The following PTPRM variants were observed in gnomAD, a reference collection of about 807,000 sequenced individuals.
The protein encoded by PTPRM is receptor-type tyrosine-protein phosphatase mu.
In PTPRM, 47 loss-of-function variants were observed where a neutral mutation model predicts 186.7. The observed-to-expected ratio is 0.25, with a 90% CI of 0.20 to 0.32. PTPRM has a LOEUF of 0.32. PTPRM is among the 10% of genes least tolerant of loss of function. The probability of loss-of-function intolerance (pLI) is 1.00; values close to 1 mark genes in which losing one functional copy is unlikely to be tolerated. For synonymous variants in PTPRM, 668 were observed against 674.9 expected (o/e 0.99, Z 0.16); for missense variants, 1,494 against 1,865.0 (o/e 0.80, Z 3.66).
At chr18:7,981,203 TC>T (rs1471543270) in intron 7 of PTPRM, among the ~76,000 whole-genome samples, 1 of 152,026 alleles carries the variant, frequency 6.6e-6, no homozygotes, top group Non-Finnish European at 1.5e-5. Flanking sequence ...TACTTAAATA[TC>T]CCCTCCTCAG....
chr18:7,834,661 A>G (rs2045944977), intron 2 of PTPRM, among the ~76,000 whole-genome samples: 5 of 151,306 alleles, frequency 3.3e-5, no homozygotes, highest in Non-Finnish European at 7.4e-5. Flanking sequence ...TCTGTTTTTC[A>G]GAGTAGTTTG....
intron 11 of PTPRM, among the ~76,000 whole-genome samples, chr18:8,104,941 G>C (rs750168744): frequency 1.2e-4 from 18 of 152,268 alleles, no homozygotes; most frequent in Middle Eastern, 3.4e-3. Flanking sequence ...GTACTTATAA[G>C]TGGCTTTTTA....
chr18:8,286,418 G>A (rs905740132), intron 19 of PTPRM, among the ~76,000 whole-genome samples: 4 of 152,222 alleles, frequency 2.6e-5, no homozygotes, highest in African/African-American at 4.8e-5. Context: ...TCAGCACCAC[G>A]TGGAAACTTC....
At chr18:8,045,757 AG>A (rs937005539) in intron 7 of PTPRM, among the ~76,000 whole-genome samples, 6 of 152,216 alleles carry the variant, frequency 3.9e-5, no homozygotes, top group Non-Finnish European at 7.3e-5. Flanking sequence ...ATGGTCACAC[AG>A]GTCTGTGAAT....
intron 1 of PTPRM, among the ~76,000 whole-genome samples, chr18:7,746,116 A>G (rs2040979790): frequency 6.6e-6 from 1 of 152,236 alleles, no homozygotes. Context: ...AATTGATAAA[A>G]GACATTAAGC....
At chr18:7,601,155 A>T (rs2037393265) in intron 1 of PTPRM, among the ~76,000 whole-genome samples, 1 of 152,234 alleles carries the variant, frequency 6.6e-6, no homozygotes, top group Non-Finnish European at 1.5e-5. Flanking sequence ...TTTAGGAGAC[A>T]GAAAACTGGC....
chr18:7,780,462 T>G (rs770873911), intron 2 of PTPRM, among the ~76,000 whole-genome samples: 1 of 152,194 alleles, frequency 6.6e-6, no homozygotes, highest in Non-Finnish European at 1.5e-5. Flanking sequence ...TTGAAATGAA[T>G]GTGAAGGCTG....
intron 2 of PTPRM, among the ~76,000 whole-genome samples, chr18:7,824,132 C>A (rs898683667): frequency 6.6e-6 from 1 of 152,174 alleles, no homozygotes; most frequent in Non-Finnish European, 1.5e-5. Context: ...GGTCTTCATC[C>A]GGGCCTCATT....
intron 2 of PTPRM, chr18:7,815,641 C>A (rs923607992): frequency 6.6e-6 from 1 of 151,988 alleles, no homozygotes; most frequent in Non-Finnish European, 1.5e-5. Context: ...AATGAGCATG[C>A]CTGTGAATAG....
chr18:8,103,338 A>G (rs1330086752), intron 11 of PTPRM, among the ~76,000 whole-genome samples: 3 of 152,226 alleles, frequency 2.0e-5, no homozygotes, highest in Non-Finnish European at 2.9e-5. Context: ...ATCTACATTG[A>G]AAATCTGTGG....
intron 2 of PTPRM, among the ~76,000 whole-genome samples, chr18:7,793,745 G>A (rs1225304036): frequency 1.3e-5 from 2 of 152,118 alleles, no homozygotes; most frequent in African/African-American, 4.8e-5. Context: ...CCTAGGTGAG[G>A]ACAGGCACTC....
At position 7,746,160 on chromosome 18, in the gene PTPRM, C is replaced by T. The variant is rs1016254371; in HGVS notation, c.74-27989C>T. Among the ~76,000 whole-genome samples the T allele has an allele frequency of 7.8e-4, 118 of 151,926 alleles. 2 individuals are homozygous for T. The highest frequency in any genetic ancestry group is 7.7e-3 in the Admixed American group (118 of 15,250). On this transcript the variant is annotated intron_variant, in intron 1 of 32. Coordinates refer to ENST00000580170, the MANE Select transcript of PTPRM (RefSeq NM_001105244.2). ...GGGAAAATTACAAATGTTTACAAGA[C>T]AAACACAAAGAACACTATATTTAGG...
At chr18:7,847,479 T>G (rs1454547366) in intron 2 of PTPRM, among the ~76,000 whole-genome samples, 1 of 152,142 alleles carries the variant, frequency 6.6e-6, no homozygotes, top group Non-Finnish European at 1.5e-5. Context: ...AAATCTAGCT[T>G]AATCATAAAT....
chr18:7,896,020 G>A (rs974012468), intron 3 of PTPRM, among the ~76,000 whole-genome samples: 4 of 152,144 alleles, frequency 2.6e-5, no homozygotes, highest in African/African-American at 9.7e-5. Context: ...ACAGCTAATC[G>A]CAGGTTAATT....
intron 13 of PTPRM, among the ~76,000 whole-genome samples, chr18:8,130,953 G>A (rs978536628): frequency 2.0e-5 from 3 of 152,186 alleles, no homozygotes; most frequent in East Asian, 1.9e-4. Flanking sequence ...AAAAATGCAC[G>A]TAGAGTAGAG....
intron 32 of PTPRM, among the ~76,000 whole-genome samples, chr18:8,398,324 C>A (rs1384789711): frequency 6.6e-6 from 1 of 152,124 alleles, no homozygotes; most frequent in Non-Finnish European, 1.5e-5. Flanking sequence ...GCACATATTT[C>A]TCAGCCTCTG....
At chr18:8,079,473 TA>T (rs1367905632) in intron 9 of PTPRM, among the ~76,000 whole-genome samples, 1 of 152,172 alleles carries the variant, frequency 6.6e-6, no homozygotes, top group Non-Finnish European at 1.5e-5. Context: ...CAAATGTAAC[TA>T]CTATTAACAG....
At chr18:8,220,739 T>C (rs1601308495) in intron 14 of PTPRM, among the ~76,000 whole-genome samples, 1 of 152,362 alleles carries the variant, frequency 6.6e-6, no homozygotes, top group African/African-American at 2.4e-5. Flanking sequence ...TGCTTTGTAA[T>C]AGGGGTGTTT....
chr18:8,126,511 G>C (rs567680591), intron 13 of PTPRM, among the ~76,000 whole-genome samples: 183 of 152,244 alleles, frequency 1.2e-3, no homozygotes, highest in Non-Finnish European at 2.3e-3. Context: ...CTAAGAGAAT[G>C]ACCCAGCCAC....
Sources: allele counts gnomAD v4.1 joint callset (sites outside exome capture counted in the v4.1 genomes callset), GRCh38; gene constraint gnomAD v4.1.1; transcripts MANE v1.5; gene names NCBI Gene and HGNC (gene_info 2026-07-23, HGNC 2026-07-21).